The following IL31RA variants were observed in gnomAD, a reference collection of about 807,000 sequenced individuals.
The protein encoded by IL31RA is interleukin-31 receptor subunit alpha.
In IL31RA, 66 loss-of-function variants were observed where a neutral mutation model predicts 83.7. The ratio of observed to expected loss-of-function variants is 0.79; its 90% CI spans 0.65 to 0.97. The LOEUF is 0.97. IL31RA is among the 50% of genes least tolerant of loss of function. The pLI is 0.00. For missense variants in IL31RA, 798 were observed against 919.4 expected (o/e 0.87, Z 1.71); for synonymous variants, 325 against 329.0 (o/e 0.99, Z 0.13).
At chr5:55,853,538 C>T in intron 1 of IL31RA, 2 of 1,550,984 alleles carry the variant, frequency 1.3e-6, no homozygotes, top group Non-Finnish European at 1.7e-6. Flanking sequence ...GCCAGCAGAA[C>T]ATCTGTGGAA....
chr5:55,857,074 TG>T (rs1745404103), intron 1 of IL31RA, among the ~76,000 whole-genome samples: 2 of 150,772 alleles, frequency 1.3e-5, no homozygotes, highest in Admixed American at 1.3e-4. Flanking sequence ...TCTAAGCCCC[TG>T]GGAGGCATCT....
In IL31RA at chr5:55,890,047, A is replaced by G; in HGVS notation, c.684A>G (p.Glu228=). ...YNLTGLQPFT[E]YVIALRCAVK... Reference sequence around the variant, plus strand: ...TCACGGGGCTGCAGCCTTTTACAGAATATGTCATAGCTCTGCGATGTGCGG... The same window carrying G: ...TCACGGGGCTGCAGCCTTTTACAGAGTATGTCATAGCTCTGCGATGTGCGG... The change falls in exon 6 of 15, where the codon GAA becomes GAG. Residue 228 remains glutamate (E), a synonymous_variant. Transcript: ENST00000652347. The G allele has an allele frequency of 6.2e-7, 1 of 1,614,082 alleles. No individual in the cohort carries two copies. The highest frequency in any genetic ancestry group is 8.5e-7 in the Non-Finnish European group (1 of 1,179,938).
intron 4 of IL31RA, among the ~76,000 whole-genome samples, chr5:55,882,666 T>C (rs1308940670): frequency 6.6e-6 from 1 of 152,226 alleles, no homozygotes; most frequent in African/African-American, 2.4e-5. Flanking sequence ...CTAGTGTTTA[T>C]AGTGGGTATT....
intron 2 of IL31RA, among the ~76,000 whole-genome samples, chr5:55,864,340 TACAC>T (rs34526562): frequency 1.6e-5 from 1 of 63,656 alleles, no homozygotes; most frequent in Non-Finnish European, 3.7e-5. Flanking sequence ...CACACCACAC[TACAC>T]ACACACACAC....
chr5:55,853,541 C>G, intron 1 of IL31RA: 10 of 1,551,008 alleles, frequency 6.4e-6, no homozygotes, highest in Non-Finnish European at 8.7e-6. Context: ...AGCAGAACAT[C>G]TGTGGAACAT....
In IL31RA at chr5:55,867,157, T is replaced by A. The variant is rs957079255; in HGVS notation, c.155-1634T>A. Reference sequence around the variant, plus strand: ...TGTGCATGTGTGTGTGCATGTGTGTTTGTGTGTGTGCATGTGTGTGTGCAT... The same window carrying A: ...TGTGCATGTGTGTGTGCATGTGTGTATGTGTGTGTGCATGTGTGTGTGCAT... On this transcript the variant is annotated intron_variant, in intron 2 of 14. Coordinates refer to ENST00000652347, the MANE Select transcript of IL31RA (RefSeq NM_139017.7). Among the ~76,000 whole-genome samples the A allele has an allele frequency of 3.6e-4, 20 of 55,062 alleles. 1 individual carries two copies. The highest frequency in any genetic ancestry group is 1.3e-3 in the Admixed American group (7 of 5,376). 36.1% of individuals were successfully genotyped at this position (55,062 alleles called of 152,430 possible). A position where few individuals can be genotyped will look rare whatever the true frequency, so the allele number is the denominator to read the frequency against.
In IL31RA at chr5:55,867,117, G is replaced by GTTTGTGTGTGTGTGCA. The variant is rs763623247; in HGVS notation, c.155-1673_155-1672insTTGTGTGTGTGTGCAT. Among the ~76,000 whole-genome samples, 15 of 114,044 alleles carry GTTTGTGTGTGTGTGCA rather than the reference G, an allele frequency of 1.3e-4. 4 individuals are homozygous for GTTTGTGTGTGTGTGCA. Among genetic ancestry groups the GTTTGTGTGTGTGTGCA allele is most frequent in the Admixed American group, 4.0e-4 (5 of 12,544 alleles). The allele number at this position is 114,044 out of a possible 152,430, so 74.8% of individuals were successfully genotyped here. A position where few individuals can be genotyped will look rare whatever the true frequency, so the allele number is the denominator to read the frequency against. ...TGTGTGTTTGTGTGTGTGTGCATGTGTGTGTTTGTGTGTGTGTGCATGTGT... is the reference window on the plus strand; with the variant it reads ...TGTGTGTTTGTGTGTGTGTGCATGTGTTTGTGTGTGTGTGCATGTGTTTGTGTGTGTGTGCATGTGT... On this transcript the variant is annotated intron_variant, in intron 2 of 14. Coordinates refer to ENST00000652347, the MANE Select transcript of IL31RA (RefSeq NM_139017.7).
At position 55,908,490 on chromosome 5, in the gene IL31RA, C is replaced by T. The variant is rs74629680; in HGVS notation, c.1501+79C>T. The T allele has an allele frequency of 2.8e-4, 449 of 1,613,390 alleles. 1 individual carries two copies. The African/African-American group carries it at 5.3e-3, about 19-fold the overall frequency. ...ATGGATAGACCTGTTGTAGGCATGG[C>T]TCCCCCATCTCATTGTGACTTGCAA... On this transcript the variant is annotated intron_variant, in intron 11 of 14. Transcript: ENST00000652347.
At chr5:55,915,078 C>A in intron 14 of IL31RA, 150 bp downstream of exon 14, 2 of 703,052 alleles carry the variant, frequency 2.8e-6, no homozygotes, top group East Asian at 2.7e-5. Flanking sequence ...GCAGGCAGGG[C>A]AGATGGACTC....
chr5:55,885,022 G>T (rs1406536794), intron 5 of IL31RA, among the ~76,000 whole-genome samples: 4 of 152,126 alleles, frequency 2.6e-5, no homozygotes, highest in African/African-American at 9.7e-5. Flanking sequence ...TAATAAAAAT[G>T]GTGACTACAT....
At chr5:55,859,462 G>C in intron 1 of IL31RA, 47 bp from the exon 2 acceptor site, 1 of 1,343,698 alleles carries the variant, frequency 7.4e-7, no homozygotes, top group Non-Finnish European at 1.1e-6. Flanking sequence ...TAGAGCTTTT[G>C]AAAAGAGATA....
At position 55,906,100 on chromosome 5, in the gene IL31RA, T is replaced by G; in HGVS notation, c.1070-6T>G. On this transcript the variant is annotated splice_region_variant and splice_polypyrimidine_tract_variant and intron_variant, in intron 8 of 14. Transcript: ENST00000652347. ...GCTGTGAAGCAGTCCTTTTCTCTCC[T>G]TTCAGCATTTCAGTGCATTGAGGTC... The G allele has an allele frequency of 2.5e-6, 4 of 1,613,316 alleles. No homozygotes were observed. Among genetic ancestry groups the G allele is most frequent in the Non-Finnish European group, 2.5e-6 (3 of 1,179,888 alleles).
At chr5:55,909,868 C>CTAA (rs1199072121) in intron 11 of IL31RA, among the ~76,000 whole-genome samples, 6 of 152,118 alleles carry the variant, frequency 3.9e-5, no homozygotes, top group African/African-American at 1.4e-4. Context: ...CCACGTCCAG[C>CTAA]TAATTTTGTA....
chr5:55,865,140 C>G (rs775535551), intron 2 of IL31RA, among the ~76,000 whole-genome samples: 2 of 152,204 alleles, frequency 1.3e-5, no homozygotes, highest in Non-Finnish European at 2.9e-5. Flanking sequence ...TGCGTGGGCT[C>G]TTTGAGAAAT....
At chr5:55,844,777 T>G in the IL31RA span, among the ~76,000 whole-genome samples, 1 of 152,140 alleles carries the variant, frequency 6.6e-6, no homozygotes. Flanking sequence ...GTCCTGAAAT[T>G]CTTAGATACT....
intron 12 of IL31RA, among the ~76,000 whole-genome samples, chr5:55,912,807 A>G (rs996539158): frequency 6.6e-6 from 1 of 151,568 alleles, no homozygotes; most frequent in African/African-American, 2.4e-5. Context: ...AAAAGAAAAA[A>G]AGTCTAAAAA....
intron 11 of IL31RA, 76 bp downstream of exon 11, chr5:55,908,487 T>C (rs1456669481): frequency 1.2e-6 from 2 of 1,613,780 alleles, no homozygotes; most frequent in Non-Finnish European, 1.7e-6. Flanking sequence ...GTTGTAGGCA[T>C]GGCTCCCCCA....
chr5:55,859,380 A>T (rs1381446025), intron 1 of IL31RA, 129 bp from the exon 2 acceptor site: 9 of 727,342 alleles, frequency 1.2e-5, no homozygotes, highest in Non-Finnish European at 2.0e-5. Flanking sequence ...CTAGGTGATG[A>T]TAGTCAACAA....
chr5:55,906,734 C>T (rs529650446), intron 9 of IL31RA, among the ~76,000 whole-genome samples: 1 of 152,250 alleles, frequency 6.6e-6, no homozygotes, highest in South Asian at 2.1e-4. Flanking sequence ...GCGAGTGAGG[C>T]TTTACTCTTT....
Sources: allele counts gnomAD v4.1 joint callset (sites outside exome capture counted in the v4.1 genomes callset), GRCh38; gene constraint gnomAD v4.1.1; transcripts MANE v1.5; gene names NCBI Gene and HGNC (gene_info 2026-07-23, HGNC 2026-07-21).